The following KCNT2 variants were observed in gnomAD, a reference collection of about 807,000 sequenced individuals.
KCNT2 encodes the protein potassium sodium-activated channel subfamily T member 2, also known as potassium channel subfamily T member 2.
A neutral mutation model predicts 153.8 loss-of-function variants in KCNT2; 67 were observed. That is an observed-to-expected ratio of 0.44 (90% CI 0.36 to 0.53). The LOEUF (loss-of-function observed/expected upper bound fraction) is 0.53, where lower values mean the gene tolerates loss of function less well. Among genes scored for constraint, KCNT2 ranks in the 20% least tolerant of loss-of-function variants. The pLI is 0.00. For synonymous variants in KCNT2, 500 were observed against 458.8 expected (o/e 1.09, Z -1.15); for missense variants, 975 against 1,354.8 (o/e 0.72, Z 4.40).
intron 23 of KCNT2, among the ~76,000 whole-genome samples, chr1:196,284,925 CTTAAT>C (rs912342122): frequency 6.6e-6 from 1 of 152,130 alleles, no homozygotes; most frequent in Admixed American, 6.5e-5. Context: ...TGCTGAAATG[CTTAAT>C]TTGAGATTAA....
chr1:196,330,267 C>T (rs1439990866), intron 18 of KCNT2, among the ~76,000 whole-genome samples: 3 of 151,656 alleles, frequency 2.0e-5, no homozygotes, highest in Admixed American at 6.6e-5. Flanking sequence ...AGCACCAACT[C>T]AGTTATTAAC....
intron 1 of KCNT2, among the ~76,000 whole-genome samples, chr1:196,514,178 C>T (rs953870143): frequency 6.6e-6 from 1 of 152,104 alleles, no homozygotes; most frequent in Non-Finnish European, 1.5e-5. Flanking sequence ...TTTTCAGAAC[C>T]CAACACAGGG....
At chr1:196,440,011 C>T (rs140195676) in intron 8 of KCNT2, among the ~76,000 whole-genome samples, 192 of 151,912 alleles carry the variant, frequency 1.3e-3, no homozygotes, top group African/African-American at 4.5e-3. Flanking sequence ...ACCTATGTAA[C>T]AAACCTGCAC....
chr1:196,442,743 G>A (rs1675352779), intron 8 of KCNT2, among the ~76,000 whole-genome samples: 1 of 151,676 alleles, frequency 6.6e-6, no homozygotes, highest in South Asian at 2.1e-4. Context: ...ATAAAAATGT[G>A]AGATGAGAAT....
At chr1:196,553,704 A>T (rs1030382711) in intron 1 of KCNT2, among the ~76,000 whole-genome samples, 1 of 151,272 alleles carries the variant, frequency 6.6e-6, no homozygotes, top group African/African-American at 2.4e-5. Flanking sequence ...TCCTCAGCAC[A>T]TCGGTCATTC....
chr1:196,498,009 T>C (rs1680391227), intron 1 of KCNT2, among the ~76,000 whole-genome samples: 1 of 152,206 alleles, frequency 6.6e-6, no homozygotes, highest in Non-Finnish European at 1.5e-5. Context: ...GCAGAGATGT[T>C]TTTTGCAACT....
intron 8 of KCNT2, among the ~76,000 whole-genome samples, chr1:196,438,503 G>A (rs1243935297): frequency 1.3e-5 from 2 of 151,762 alleles, no homozygotes; most frequent in African/African-American, 2.4e-5. Flanking sequence ...GAAGAGTTAG[G>A]CAATTTGCAA....
At chr1:196,240,005 G>A (rs1353503087) in intron 26 of KCNT2, among the ~76,000 whole-genome samples, 1 of 151,970 alleles carries the variant, frequency 6.6e-6, no homozygotes, top group African/African-American at 2.4e-5. Context: ...CAAATTTTGG[G>A]CACCTTGATG....
chr1:196,545,961 T>C (rs150720515), intron 1 of KCNT2, among the ~76,000 whole-genome samples: 90 of 152,172 alleles, frequency 5.9e-4, no homozygotes, highest in Non-Finnish European at 1.0e-3. Flanking sequence ...TGGGCTATTA[T>C]GGGTAACACT....
At chr1:196,478,829 T>G (rs1678760782) in intron 5 of KCNT2, among the ~76,000 whole-genome samples, 1 of 152,172 alleles carries the variant, frequency 6.6e-6, no homozygotes, top group Non-Finnish European at 1.5e-5. Flanking sequence ...AGATAATTTA[T>G]TAAAATAATT....
intron 22 of KCNT2, among the ~76,000 whole-genome samples, chr1:196,302,094 G>T (rs1661236701): frequency 6.6e-6 from 1 of 152,124 alleles, no homozygotes; most frequent in Non-Finnish European, 1.5e-5. Flanking sequence ...CTGTGAAGGT[G>T]CAAGGGCATC....
At chr1:196,580,608 C>T (rs898013564) in intron 1 of KCNT2, among the ~76,000 whole-genome samples, 2 of 152,128 alleles carry the variant, frequency 1.3e-5, no homozygotes, top group Non-Finnish European at 2.9e-5. Context: ...ACTCATTACT[C>T]AGTTCTGAGC....
intron 1 of KCNT2, among the ~76,000 whole-genome samples, chr1:196,563,458 G>GA (rs529874769): frequency 0.11 from 8,768 of 82,716 alleles, 360 homozygotes; most frequent in Non-Finnish European, 0.14. Flanking sequence ...AAAGAAAAAA[G>GA]AAAAAAAAAA....
chr1:196,517,812 A>G (rs576435657), intron 1 of KCNT2, among the ~76,000 whole-genome samples: 1 of 152,360 alleles, frequency 6.6e-6, no homozygotes, highest in South Asian at 2.1e-4. Context: ...CCTGAAAGGG[A>G]CAGGAGAAAG....
intron 14 of KCNT2, among the ~76,000 whole-genome samples, chr1:196,363,273 C>T (rs1235802931): frequency 6.6e-6 from 1 of 152,036 alleles, no homozygotes; most frequent in African/African-American, 2.4e-5. Flanking sequence ...GGACTTCCTT[C>T]ATGTTGTTTC....
At chr1:196,386,010 C>A (rs1046656130) in intron 13 of KCNT2, among the ~76,000 whole-genome samples, 1 of 152,078 alleles carries the variant, frequency 6.6e-6, no homozygotes, top group Non-Finnish European at 1.5e-5. Context: ...GGCATTGTGA[C>A]TTTGCCTTGC....
Position 196,493,558 on chromosome 1 carries a change from T to A in KCNT2, c.96-1217A>T, listed in dbSNP as rs142560510. ...CACAAAAGCAACAGGGCATTTTTTT[T>A]AATTTTATTATACTTTAAGTTCTGA... On this transcript the variant is annotated intron_variant, in intron 1 of 27. Coordinates refer to ENST00000294725, the MANE Select transcript of KCNT2 (RefSeq NM_198503.5). Among the ~76,000 whole-genome samples, 360 of 152,280 alleles carry A rather than the reference T, an allele frequency of 2.4e-3. 3 individuals carry two copies. The highest frequency in any genetic ancestry group is 7.7e-3 in the African/African-American group (320 of 41,564).
intron 22 of KCNT2, among the ~76,000 whole-genome samples, chr1:196,294,036 A>G (rs1377168662): frequency 1.3e-5 from 2 of 152,148 alleles, no homozygotes; most frequent in African/African-American, 4.8e-5. Flanking sequence ...CACAAAAAAG[A>G]CAATGGACCT....
At chr1:196,567,319 C>T (rs1242502649) in intron 1 of KCNT2, among the ~76,000 whole-genome samples, 1 of 152,136 alleles carries the variant, frequency 6.6e-6, no homozygotes, top group African/African-American at 2.4e-5. Context: ...AGTGTAACCT[C>T]ATCAAAATCT....
Sources: gnomAD v4.1 joint callset for allele counts (sites outside exome capture counted in the v4.1 genomes callset) on GRCh38, gnomAD v4.1.1 for gene constraint, MANE v1.5 for transcripts, NCBI Gene and HGNC (gene_info 2026-07-23, HGNC 2026-07-21) for gene names.